CFAP251: variants seen among roughly 807,000 people sequenced by gnomAD.
The protein encoded by CFAP251 is cilia- and flagella-associated protein 251.
A neutral mutation model predicts 126.7 loss-of-function variants in CFAP251; 93 were observed. That is an observed-to-expected ratio of 0.73 (90% CI 0.62 to 0.87). The LOEUF (loss-of-function observed/expected upper bound fraction) is 0.87, where lower values mean the gene tolerates loss of function less well. Among genes scored for constraint, CFAP251 ranks in the 40% least tolerant of loss-of-function variants. The probability of loss-of-function intolerance (pLI) is 0.00; values close to 1 mark genes in which losing one functional copy is unlikely to be tolerated. For synonymous variants in CFAP251, 503 were observed against 506.9 expected, an observed-to-expected ratio of 0.99 and a Z score of 0.10; for missense variants, 1,287 against 1,389.2, an observed-to-expected ratio of 0.93 and a Z score of 1.17.
At chr12:121,921,913 G>C (rs1263892909) in intron 2 of CFAP251, among the ~76,000 whole-genome samples, 3 of 150,364 alleles carry the variant, frequency 2.0e-5, no homozygotes, top group Non-Finnish European at 4.4e-5. Context: ...TCAGTCTCCT[G>C]AGTAGCTAAG....
chr12:121,984,697 C>G (rs1882704067), intron 19 of CFAP251, among the ~76,000 whole-genome samples: 1 of 152,198 alleles, frequency 6.6e-6, no homozygotes, highest in Non-Finnish European at 1.5e-5. Flanking sequence ...CAGATGATTT[C>G]ACATACAAGG....
At chr12:121,945,726 C>T (rs996636121) in intron 7 of CFAP251, among the ~76,000 whole-genome samples, 7 of 151,790 alleles carry the variant, frequency 4.6e-5, no homozygotes, top group South Asian at 2.1e-4. Context: ...AGTGCAGTGG[C>T]GCAATCTTGG....
chr12:121,967,530 G>A (rs369794844), intron 16 of CFAP251, among the ~76,000 whole-genome samples: 3 of 152,056 alleles, frequency 2.0e-5, no homozygotes, highest in East Asian at 1.9e-4. Flanking sequence ...GTGAAACCCC[G>A]TCTCTACTAA....
chr12:121,987,731 A>T (rs1399491099), intron 19 of CFAP251, among the ~76,000 whole-genome samples: 2 of 152,020 alleles, frequency 1.3e-5, no homozygotes, highest in East Asian at 3.8e-4. Context: ...AAAAAAAAAA[A>T]AAGAATACAG....
intron 15 of CFAP251, among the ~76,000 whole-genome samples, chr12:121,966,141 TCCCTTCCCTC>T (rs1882112534): frequency 1.4e-5 from 1 of 70,488 alleles, no homozygotes; most frequent in Non-Finnish European, 3.1e-5. Flanking sequence ...TAAAAACTCT[TCCCTTCCCTC>T]CCCTCCCCTC....
intron 19 of CFAP251, among the ~76,000 whole-genome samples, chr12:121,988,633 C>T (rs988907079): frequency 8.5e-5 from 13 of 152,116 alleles, no homozygotes; most frequent in East Asian, 1.9e-4. Flanking sequence ...TATCCATTCA[C>T]GAACAGATGG....
At chr12:121,922,910 C>T (rs952322384) in intron 2 of CFAP251, among the ~76,000 whole-genome samples, 1 of 152,184 alleles carries the variant, frequency 6.6e-6, no homozygotes, top group Non-Finnish European at 1.5e-5. Context: ...CTGCCTCAGC[C>T]TCCCGAGTAG....
intron 19 of CFAP251, chr12:121,998,311 C>G (rs1307946760): frequency 6.6e-6 from 1 of 151,234 alleles, no homozygotes; most frequent in Non-Finnish European, 1.5e-5. Context: ...CTCAGCCTCC[C>G]AAAGTGATGG....
At chr12:121,986,901 T>A (rs556154563) in intron 19 of CFAP251, among the ~76,000 whole-genome samples, 1 of 152,348 alleles carries the variant, frequency 6.6e-6, no homozygotes, top group South Asian at 2.1e-4. Context: ...ATTTCTGTAC[T>A]ATTTAAGTTC....
chr12:121,999,688 CTT>C (rs747144792), intron 19 of CFAP251, 26 bp from the exon 20 acceptor site: 2 of 1,375,402 alleles, frequency 1.5e-6, no homozygotes, highest in East Asian at 2.6e-5. Flanking sequence ...TTACTGTGGT[CTT>C]TTTTTTTTCC....
At chr12:121,976,345 G>A (rs1338899853) in intron 19 of CFAP251, among the ~76,000 whole-genome samples, 1 of 152,070 alleles carries the variant, frequency 6.6e-6, no homozygotes, top group Non-Finnish European at 1.5e-5. Flanking sequence ...TGATGCCTAC[G>A]CAGCCCTGGG....
At chr12:121,956,049 C>G (rs893705395) in intron 10 of CFAP251, 1 of 152,236 alleles carries the variant, frequency 6.6e-6, no homozygotes, top group Non-Finnish European at 1.5e-5. Flanking sequence ...TCCTCCTCAT[C>G]TGCCCCCCGT....
chr12:121,960,877 G>T, intron 14 of CFAP251, 119 bp downstream of exon 14: 1 of 1,215,038 alleles, frequency 8.2e-7, no homozygotes, highest in East Asian at 2.4e-5. Flanking sequence ...GAAAATGAAT[G>T]CACAGTGAAG....
chr12:121,945,482 TACA>T (rs1346809485), intron 7 of CFAP251, among the ~76,000 whole-genome samples: 5 of 151,760 alleles, frequency 3.3e-5, no homozygotes, highest in Non-Finnish European at 7.4e-5. Context: ...TAGCTGGGAC[TACA>T]GGCACGTGCC....
At chr12:121,983,834 G>C (rs1882684847) in intron 19 of CFAP251, among the ~76,000 whole-genome samples, 1 of 152,156 alleles carries the variant, frequency 6.6e-6, no homozygotes, top group African/African-American at 2.4e-5. Context: ...TGATGAGTTA[G>C]TTTATATCTG....
intron 19 of CFAP251, among the ~76,000 whole-genome samples, chr12:121,991,008 AT>A (rs1882863985): frequency 6.6e-6 from 1 of 152,218 alleles, no homozygotes; most frequent in African/African-American, 2.4e-5. Context: ...AGAGACTTGT[AT>A]TTCATTGGCT....
intron 19 of CFAP251, among the ~76,000 whole-genome samples, chr12:121,977,621 C>T (rs1017752469): frequency 2.6e-5 from 4 of 151,790 alleles, no homozygotes; most frequent in African/African-American, 9.7e-5. Flanking sequence ...GATCACACCA[C>T]AGCACTCCAG....
chr12:121,968,880 T>A, intron 17 of CFAP251: 5 of 985,268 alleles, frequency 5.1e-6, no homozygotes, highest in Non-Finnish European at 6.0e-6. Context: ...CTCTTCTTCC[T>A]GTAAGGGCAT....
At chr12:121,983,981 G>A (rs1288661745) in intron 19 of CFAP251, among the ~76,000 whole-genome samples, 8 of 152,162 alleles carry the variant, frequency 5.3e-5, no homozygotes, top group South Asian at 2.1e-4. Flanking sequence ...AGATGTAGCC[G>A]CTCCCCCTCC....
Sources: gnomAD v4.1 joint callset for allele counts (sites outside exome capture counted in the v4.1 genomes callset) on GRCh38, gnomAD v4.1.1 for gene constraint, MANE v1.5 for transcripts, NCBI Gene and HGNC (gene_info 2026-07-23, HGNC 2026-07-21) for gene names.